Variants in SPOCK3 observed in about 807,000 individuals in gnomAD.
SPOCK3 encodes the protein SPARC (osteonectin), cwcv and kazal like domains proteoglycan 3, also known as testican-3.
Under a neutral mutation model 56.6 loss-of-function variants are expected in SPOCK3, and 30 were observed. The ratio of observed to expected loss-of-function variants is 0.53; its 90% CI spans 0.40 to 0.72. SPOCK3 has a LOEUF of 0.72. SPOCK3 is among the 30% of genes least tolerant of loss of function. The probability of loss-of-function intolerance (pLI) is 0.00; values close to 1 mark genes in which losing one functional copy is unlikely to be tolerated. For synonymous variants in SPOCK3, 196 were observed against 183.3 expected, an observed-to-expected ratio of 1.07 and a Z score of -0.56; for missense variants, 527 against 530.0, an observed-to-expected ratio of 0.99 and a Z score of 0.06.
chr4:167,117,881 C>A (rs967042392), intron 2 of SPOCK3, among the ~76,000 whole-genome samples: 1 of 152,140 alleles, frequency 6.6e-6, no homozygotes, highest in Non-Finnish European at 1.5e-5. Context: ...TAAGACCCAA[C>A]AGACTGTGCC....
At chr4:166,852,171 T>A (rs186952180) in intron 6 of SPOCK3, among the ~76,000 whole-genome samples, 22 of 152,160 alleles carry the variant, frequency 1.4e-4, no homozygotes, top group African/African-American at 5.3e-4. Flanking sequence ...GGGGGAGCGA[T>A]AGCATTGGGA....
intron 6 of SPOCK3, among the ~76,000 whole-genome samples, chr4:166,825,968 C>T (rs753215810): frequency 2.0e-5 from 3 of 151,850 alleles, no homozygotes; most frequent in Non-Finnish European, 4.4e-5. Context: ...GACAGGTGCA[C>T]CAAAATCTCA....
intron 4 of SPOCK3, among the ~76,000 whole-genome samples, chr4:166,950,428 C>T (rs980913769): frequency 4.0e-5 from 6 of 151,794 alleles, no homozygotes; most frequent in African/African-American, 1.5e-4. Context: ...GCACCAGATT[C>T]ATAAAGCAAG....
At chr4:167,116,712 AGTATATAT>A (rs1249659365) in intron 2 of SPOCK3, among the ~76,000 whole-genome samples, 1 of 133,024 alleles carries the variant, frequency 7.5e-6, no homozygotes. Context: ...ATACGTATAT[AGTATATAT>A]GTATATATAC....
chr4:166,822,479 T>C (rs1001452213), intron 6 of SPOCK3, among the ~76,000 whole-genome samples: 2 of 152,088 alleles, frequency 1.3e-5, no homozygotes, highest in African/African-American at 4.8e-5. Context: ...TAAGGATGCA[T>C]AGATTCACCC....
intron 2 of SPOCK3, among the ~76,000 whole-genome samples, chr4:167,203,946 T>C (rs181949366): frequency 2.6e-5 from 4 of 152,278 alleles, no homozygotes; most frequent in Admixed American, 2.6e-4. Flanking sequence ...AACATTTCTG[T>C]AGCAGAAACT....
intron 6 of SPOCK3, among the ~76,000 whole-genome samples, chr4:166,830,415 T>A (rs971496982): frequency 1.1e-4 from 17 of 152,164 alleles, no homozygotes; most frequent in Non-Finnish European, 4.4e-5. Context: ...GTATCATTCA[T>A]TAAAGGAACC....
intron 4 of SPOCK3, among the ~76,000 whole-genome samples, chr4:166,974,064 T>C (rs2150079126): frequency 6.6e-6 from 1 of 152,230 alleles, no homozygotes. Flanking sequence ...AACTGAAAAA[T>C]AACATCAATG....
intron 6 of SPOCK3, among the ~76,000 whole-genome samples, chr4:166,881,305 T>C (rs968286127): frequency 3.3e-5 from 5 of 151,794 alleles, no homozygotes; most frequent in African/African-American, 9.7e-5. Context: ...GATATATCCA[T>C]AACAGAAATG....
chr4:166,795,315 C>A (rs1240074937), intron 6 of SPOCK3, among the ~76,000 whole-genome samples: 1 of 152,060 alleles, frequency 6.6e-6, no homozygotes, highest in African/African-American at 2.4e-5. Flanking sequence ...CACAGAAATA[C>A]TGTATAGTCG....
chr4:166,740,516 TATTATTATTATTATC>T (rs1321933767), intron 9 of SPOCK3, among the ~76,000 whole-genome samples: 819 of 58,104 alleles, frequency 0.014, 7 homozygotes, highest in African/African-American at 0.044. Context: ...TTATTATTAT[TATTATTATTATTATC>T]ATTATTATTT....
At position 167,234,105 on chromosome 4, in the gene SPOCK3, G is replaced by T. The variant is rs761642444; in HGVS notation, c.69C>A (p.Ala23=). Residue 23 remains alanine (A), a synonymous_variant, in exon 2 of 11, where the codon GCC becomes GCA. Transcript: ENST00000357545. ...GCCCCCCGGCTGCAGCCACCGCCGC[G>T]GCAGCTGCGAGAGACTGACTGCACC... ...AAWCSQSLAA[A]AAVAAAGGRS... is the part of the protein sequence containing the mutation. 3 of 1,613,780 alleles carry T rather than the reference G, an allele frequency of 1.9e-6. No homozygotes were observed. Among genetic ancestry groups the T allele is most frequent in the African/African-American group, 1.3e-5 (1 of 74,854 alleles).
chr4:167,190,084 C>T (rs1295118012), intron 2 of SPOCK3, among the ~76,000 whole-genome samples: 1 of 146,088 alleles, frequency 6.8e-6, no homozygotes, highest in Admixed American at 7.0e-5. Context: ...AATAAATATG[C>T]AGATACAGAT....
intron 7 of SPOCK3, among the ~76,000 whole-genome samples, chr4:166,769,038 C>T (rs1472857764): frequency 6.6e-6 from 1 of 152,186 alleles, no homozygotes; most frequent in Non-Finnish European, 1.5e-5. Context: ...TCAGCTCTAT[C>T]AGGTGATTTA....
At chr4:166,840,516 T>C (rs913473008) in intron 6 of SPOCK3, among the ~76,000 whole-genome samples, 2 of 152,204 alleles carry the variant, frequency 1.3e-5, no homozygotes, top group Non-Finnish European at 2.9e-5. Context: ...TCATATCTGA[T>C]GTTTCTGGGC....
At chr4:166,970,027 G>A (rs1210029293) in intron 4 of SPOCK3, among the ~76,000 whole-genome samples, 2 of 152,186 alleles carry the variant, frequency 1.3e-5, no homozygotes, top group Non-Finnish European at 2.9e-5. Context: ...TCTATCAAAT[G>A]CAAATATTTT....
At chr4:167,211,431 T>C (rs1328465816) in intron 2 of SPOCK3, among the ~76,000 whole-genome samples, 1 of 151,968 alleles carries the variant, frequency 6.6e-6, no homozygotes, top group Non-Finnish European at 1.5e-5. Context: ...GACAAGAGAT[T>C]TGGAAGGGGC....
intron 2 of SPOCK3, among the ~76,000 whole-genome samples, chr4:167,084,786 G>A (rs935140658): frequency 3.3e-5 from 5 of 152,038 alleles, no homozygotes; most frequent in African/African-American, 1.2e-4. Flanking sequence ...TAACCATCAA[G>A]AATAATATTT....
intron 4 of SPOCK3, among the ~76,000 whole-genome samples, chr4:166,985,903 A>C (rs917111701): frequency 3.3e-5 from 5 of 152,168 alleles, no homozygotes. Flanking sequence ...GTAACAGATA[A>C]AGTTAAGGTG....
Sources: gnomAD v4.1 joint callset for allele counts (sites outside exome capture counted in the v4.1 genomes callset) on GRCh38, gnomAD v4.1.1 for gene constraint, MANE v1.5 for transcripts, NCBI Gene and HGNC (gene_info 2026-07-23, HGNC 2026-07-21) for gene names.